TENM2: variants seen among roughly 807,000 people sequenced by gnomAD.
TENM2 encodes the protein teneurin-2.
Under a neutral mutation model 245.2 loss-of-function variants are expected in TENM2, and 52 were observed. The ratio of observed to expected loss-of-function variants is 0.21; its 90% CI spans 0.17 to 0.27. The LOEUF is 0.27. Ranked by LOEUF, TENM2 falls within the 10% of genes least tolerant of loss-of-function variation. TENM2 has a pLI of 1.00. For missense variants in TENM2, 3,046 were observed against 3,666.8 expected (o/e 0.83, Z 4.37); for synonymous variants, 1,363 against 1,438.9 (o/e 0.95, Z 1.19).
the TENM2 span, among the ~76,000 whole-genome samples, chr5:167,132,884 G>A: frequency 6.6e-6 from 1 of 152,236 alleles, no homozygotes; most frequent in Non-Finnish European, 1.5e-5. Flanking sequence ...CTCAGGGGTA[G>A]ATGTTCACTC....
rs574262790 is a variant in TENM2, at chr5:167,649,376, T to C, written c.503-226610T>C. Among the ~76,000 whole-genome samples, 22 of 152,250 alleles carry C rather than the reference T, an allele frequency of 1.4e-4. No homozygotes were observed. In the South Asian group the frequency reaches 4.6e-3, roughly 32 times the overall value. On this transcript the variant is annotated intron_variant, in intron 2 of 28. Coordinates refer to ENST00000518659, the Ensembl canonical transcript of TENM2. ...GGTGCTGGAGAACTCAGCATTCTTT[T>C]CTCTTCCAAACAAGGCTACACACCT...
At chr5:167,186,482 A>T in the TENM2 span, among the ~76,000 whole-genome samples, 49 of 152,336 alleles carry the variant, frequency 3.2e-4, no homozygotes, top group South Asian at 9.5e-3. Flanking sequence ...CGAAGAAAGA[A>T]TCAGGTATTA....
the TENM2 span, among the ~76,000 whole-genome samples, chr5:167,204,571 A>G: frequency 1.3e-5 from 2 of 152,324 alleles, no homozygotes; most frequent in East Asian, 3.9e-4. Context: ...TCTAGAATTC[A>G]GAGGGACAAC....
At chr5:167,358,181 A>G (rs761566703) in intron 1 of TENM2, among the ~76,000 whole-genome samples, 2 of 152,226 alleles carry the variant, frequency 1.3e-5, no homozygotes, top group Non-Finnish European at 2.9e-5. Context: ...AGCCAATCTC[A>G]GAAGAGCTGT....
the TENM2 span, among the ~76,000 whole-genome samples, chr5:167,266,878 T>C: frequency 6.6e-6 from 1 of 152,178 alleles, no homozygotes; most frequent in Non-Finnish European, 1.5e-5. Context: ...TGAATCACTT[T>C]TCATAAGTAG....
the TENM2 span, among the ~76,000 whole-genome samples, chr5:167,040,979 T>A: frequency 6.6e-6 from 1 of 152,174 alleles, no homozygotes. Flanking sequence ...TGGTGGTCAG[T>A]TTTGAATGGC....
chr5:167,017,425 G>GT, the TENM2 span, among the ~76,000 whole-genome samples: 1 of 152,136 alleles, frequency 6.6e-6, no homozygotes, highest in African/African-American at 2.4e-5. Context: ...GGACCATTTG[G>GT]TTTTTGTCCC....
At chr5:168,238,219 GAGAAGAAAAGAAAAGAAAAGAAAAGAA>G (rs1765717848) in intron 25 of TENM2, among the ~76,000 whole-genome samples, 1 of 109,382 alleles carries the variant, frequency 9.1e-6, no homozygotes, top group Non-Finnish European at 1.9e-5. Flanking sequence ...GGGAGGGAGA[GAGAAGAAAAGAAAAGAAAAGAAAAGAA>G]AAGAAAAGAA....
intron 10 of TENM2, among the ~76,000 whole-genome samples, chr5:168,120,925 G>A (rs1360944849): frequency 6.6e-6 from 1 of 152,210 alleles, no homozygotes; most frequent in Non-Finnish European, 1.5e-5. Context: ...ATGAAAGGAT[G>A]TATTCGTGAG....
At chr5:167,969,491 T>A (rs1781615893) in intron 4 of TENM2, among the ~76,000 whole-genome samples, 1 of 152,112 alleles carries the variant, frequency 6.6e-6, no homozygotes, top group African/African-American at 2.4e-5. Context: ...GGTATGTCTT[T>A]ATTAGCAGCG....
chr5:167,480,946 A>C (rs1582164211), intron 2 of TENM2, among the ~76,000 whole-genome samples: 1 of 152,224 alleles, frequency 6.6e-6, no homozygotes, highest in East Asian at 1.9e-4. Flanking sequence ...TCTGAAAACC[A>C]GGAATTCCCA....
intron 6 of TENM2, among the ~76,000 whole-genome samples, chr5:168,058,134 G>A (rs767157789): frequency 2.6e-5 from 4 of 152,164 alleles, no homozygotes; most frequent in African/African-American, 7.2e-5. Flanking sequence ...GCTGAGTTAT[G>A]CGTGACAGGA....
intron 23 of TENM2, among the ~76,000 whole-genome samples, chr5:168,223,285 T>C (rs973123041): frequency 6.6e-6 from 1 of 152,140 alleles, no homozygotes; most frequent in African/African-American, 2.4e-5. Flanking sequence ...CTACAGTGGA[T>C]TGGAATTAAA....
In TENM2 at chr5:167,527,484, A is replaced by G. The variant is rs536138147; in HGVS notation, c.502+152011A>G. Among the ~76,000 whole-genome samples, 219 of 152,138 alleles carry G rather than the reference A, an allele frequency of 1.4e-3. 1 individual carries two copies. Among genetic ancestry groups the G allele is most frequent in the African/African-American group, 5.0e-3 (209 of 41,532 alleles). ...CATTCTCTGGACTCTGTCTGTATTT[A>G]CACTGTTCCGTCTGCCTAGATTGCC... On this transcript the variant is annotated intron_variant, in intron 2 of 28. Transcript: ENST00000518659.
At chr5:167,359,062 T>A (rs1759535559) in intron 1 of TENM2, among the ~76,000 whole-genome samples, 1 of 152,176 alleles carries the variant, frequency 6.6e-6, no homozygotes, top group South Asian at 2.1e-4. Flanking sequence ...GTATTTTAAG[T>A]GGTCTCCTTG....
At chr5:167,354,504 C>G (rs1759182582) in intron 1 of TENM2, among the ~76,000 whole-genome samples, 1 of 152,142 alleles carries the variant, frequency 6.6e-6, no homozygotes, top group African/African-American at 2.4e-5. Context: ...TCCCCTAAAC[C>G]CTCCCCCATC....
chr5:167,834,871 C>A (rs540557084), intron 2 of TENM2, among the ~76,000 whole-genome samples: 4 of 152,034 alleles, frequency 2.6e-5, no homozygotes, highest in Non-Finnish European at 2.9e-5. Flanking sequence ...AGGATGGTCT[C>A]GATCTCCTGA....
chr5:167,531,837 A>G (rs535570576), intron 2 of TENM2, among the ~76,000 whole-genome samples: 2 of 152,282 alleles, frequency 1.3e-5, no homozygotes, highest in Admixed American at 6.5e-5. Context: ...TTATCCTGCA[A>G]TGGGCGTTAG....
At position 167,889,371 on chromosome 5, in the gene TENM2, G is replaced by A. The variant is rs78787245; in HGVS notation, c.712+13176G>A. ...ATGCCAGCTCCCCGAATAATTCCAC[G>A]ATGCAATTGGTGGCATTCACACTTG... On this transcript the variant is annotated intron_variant, in intron 3 of 28. Transcript: ENST00000518659. Among the ~76,000 whole-genome samples, 382 of 152,270 alleles carry A rather than the reference G, an allele frequency of 2.5e-3. 13 individuals are homozygous for A. The East Asian group carries it at 0.067, about 27-fold the overall frequency.
Sources: allele counts gnomAD v4.1 joint callset (sites outside exome capture counted in the v4.1 genomes callset), GRCh38; gene constraint gnomAD v4.1.1; transcripts MANE v1.5; gene names NCBI Gene and HGNC (gene_info 2026-07-23, HGNC 2026-07-21).